The following STON2 variants were observed in gnomAD, a reference collection of about 807,000 sequenced individuals.
The protein encoded by STON2 is stonin 2.
In STON2, 29 loss-of-function variants were observed where a neutral mutation model predicts 65.7. That is an observed-to-expected ratio of 0.44 (90% confidence interval 0.33 to 0.60). STON2 has a LOEUF of 0.60. STON2 is among the 20% of genes least tolerant of loss of function. STON2 has a pLI of 0.03. For missense variants in STON2, 1,054 were observed against 1,118.1 expected (o/e 0.94, Z 0.82); for synonymous variants, 404 against 414.2 (o/e 0.98, Z 0.30).
At position 81,306,230 on chromosome 14, in the gene STON2, T is replaced by A. The variant is rs1285629370; in HGVS notation, c.742+17787A>T. Among the ~76,000 whole-genome samples, 7 of 107,784 alleles carry A rather than the reference T, an allele frequency of 6.5e-5. No homozygotes were observed. The South Asian group carries it at 9.7e-4, about 15-fold the overall frequency. The allele number at this position is 107,784 out of a possible 152,430, so 70.7% of individuals were successfully genotyped here. A position where few individuals can be genotyped will look rare whatever the true frequency, so the allele number is the denominator to read the frequency against. On this transcript the variant is annotated intron_variant, in intron 5 of 7. Transcript: ENST00000614646. Reference sequence around the variant, plus strand: ...ACACACATACATACTCTTTTTTTTTTTTTTTTTTTTTTTTTTTGAGATGGA... The same window carrying A: ...ACACACATACATACTCTTTTTTTTTATTTTTTTTTTTTTTTTTGAGATGGA...
chr14:81,297,952 G>A (rs1303066520), intron 5 of STON2, among the ~76,000 whole-genome samples: 1 of 152,180 alleles, frequency 6.6e-6, no homozygotes, highest in African/African-American at 2.4e-5. Flanking sequence ...CAGGAGAATC[G>A]CTTGAACCTG....
intron 5 of STON2, among the ~76,000 whole-genome samples, chr14:81,310,490 G>A (rs1473562848): frequency 6.6e-6 from 1 of 152,194 alleles, no homozygotes; most frequent in Admixed American, 6.5e-5. Flanking sequence ...CATGTGAGTG[G>A]CTGGCAGCAT....
intron 5 of STON2, among the ~76,000 whole-genome samples, chr14:81,293,497 A>G (rs1053281497): frequency 2.6e-5 from 4 of 152,146 alleles, no homozygotes; most frequent in Non-Finnish European, 5.9e-5. Context: ...AAAGGTGCCA[A>G]GGTTCCTGGC....
At chr14:81,358,885 C>T (rs1019650263) in intron 4 of STON2, among the ~76,000 whole-genome samples, 1 of 152,078 alleles carries the variant, frequency 6.6e-6, no homozygotes, top group Non-Finnish European at 1.5e-5. Flanking sequence ...CACCTAAATA[C>T]ATAAAACAAA....
chr14:81,324,262 CAGG>C (rs1052911397), intron 4 of STON2, among the ~76,000 whole-genome samples, 75 bp from the exon 5 acceptor site: 1 of 152,210 alleles, frequency 6.6e-6, no homozygotes, highest in African/African-American at 2.4e-5. Flanking sequence ...CAGACACACC[CAGG>C]AGGAGGGAGA....
Position 81,337,495 on chromosome 14 carries a change from G to A in STON2, c.572-13308C>T, listed in dbSNP as rs80086137. On this transcript the variant is annotated intron_variant, in intron 4 of 7. Coordinates refer to ENST00000614646, the MANE Select transcript of STON2 (RefSeq NM_001394390.1). ...ATGCAATGGAGAAAGACAAAGGAGA[G>A]TAAAGAGGTAGAGAAGAAAGAGGGC... Among the ~76,000 whole-genome samples, 1,028 of 152,272 alleles carry A rather than the reference G, an allele frequency of 6.8e-3. 5 individuals are homozygous for A. The highest frequency in any genetic ancestry group is 0.011 in the Admixed American group (162 of 15,290).
At chr14:81,339,153 C>A (rs570448703) in intron 4 of STON2, among the ~76,000 whole-genome samples, 1 of 152,114 alleles carries the variant, frequency 6.6e-6, no homozygotes, top group Non-Finnish European at 1.5e-5. Flanking sequence ...GGAAAGGAAA[C>A]CTTAATTTTT....
At chr14:81,416,105 A>G (rs1304294031) in intron 2 of STON2, among the ~76,000 whole-genome samples, 1 of 151,932 alleles carries the variant, frequency 6.6e-6, no homozygotes, top group Non-Finnish European at 1.5e-5. Flanking sequence ...CCCGTTGTTA[A>G]CTCTAGCCAT....
intron 3 of STON2, among the ~76,000 whole-genome samples, chr14:81,386,171 C>G (rs1054367742): frequency 6.6e-6 from 1 of 152,036 alleles, no homozygotes; most frequent in African/African-American, 2.4e-5. Context: ...GAGACGGACT[C>G]CACAAAGGTC....
chr14:81,287,276 C>A (rs1427487079), intron 5 of STON2, among the ~76,000 whole-genome samples: 1 of 152,140 alleles, frequency 6.6e-6, no homozygotes, highest in Non-Finnish European at 1.5e-5. Context: ...TTAGTCATTA[C>A]AAATGATACG....
intron 5 of STON2, among the ~76,000 whole-genome samples, chr14:81,296,563 A>C (rs1362975899): frequency 6.6e-6 from 1 of 152,176 alleles, no homozygotes; most frequent in East Asian, 1.9e-4. Context: ...GCAGACTGGC[A>C]TATGTCTCTT....
At position 81,266,625 on chromosome 14, in the gene STON2, T is replaced by C. The variant is rs1894366913; in HGVS notation, c.*1789A>G. The stretch of plus-strand genomic sequence containing the variant: ...TTGAACTCAACCCTCCATTTAGATA[T>C]GGACTAGATGGAGGGTTAATAAAAG... On this transcript the variant is annotated 3_prime_UTR_variant, in exon 8 of 8. Coordinates refer to ENST00000614646, the MANE Select transcript of STON2 (RefSeq NM_001394390.1). 1 of 941,706 alleles carries C rather than the reference T, an allele frequency of 1.1e-6. No individual in the cohort carries two copies. Among genetic ancestry groups the C allele is most frequent in the Non-Finnish European group, 1.3e-6 (1 of 790,258 alleles). The allele number at this position is 941,706 out of a possible 1,614,324, so 58.3% of individuals were successfully genotyped here.
chr14:81,289,011 G>C (rs1163374316), intron 5 of STON2, among the ~76,000 whole-genome samples: 1 of 152,114 alleles, frequency 6.6e-6, no homozygotes, highest in Non-Finnish European at 1.5e-5. Flanking sequence ...TGCCACAGAA[G>C]TCTCACTCAT....
intron 5 of STON2, among the ~76,000 whole-genome samples, chr14:81,299,251 T>C (rs901223699): frequency 6.6e-6 from 1 of 152,210 alleles, no homozygotes; most frequent in East Asian, 1.9e-4. Context: ...TATACAAACA[T>C]ATATGTGAGA....
At position 81,263,238 on chromosome 14, in the gene STON2, TA is replaced by T. The variant is rs1454469991; in HGVS notation, c.*5175del. 1 of 902,714 alleles carries T rather than the reference TA, an allele frequency of 1.1e-6. No individual in the cohort carries two copies. The highest frequency in any genetic ancestry group is 1.3e-6 in the Non-Finnish European group (1 of 754,756). 55.9% of individuals were successfully genotyped at this position (902,714 alleles called of 1,614,324 possible). On this transcript the variant is annotated 3_prime_UTR_variant, in exon 8 of 8. Coordinates refer to ENST00000614646, the MANE Select transcript of STON2 (RefSeq NM_001394390.1). ...CCCAAGACAAATTCGTAAACTTTCTTAAAACATTATGCTATTTTGGCCAGGC... is the reference window on the plus strand; with the variant it reads ...CCCAAGACAAATTCGTAAACTTTCTTAAACATTATGCTATTTTGGCCAGGC...
chr14:81,416,580 C>A (rs1272568390), intron 2 of STON2, among the ~76,000 whole-genome samples: 2 of 152,192 alleles, frequency 1.3e-5, no homozygotes, highest in African/African-American at 4.8e-5. Flanking sequence ...GTGTACCACA[C>A]AGTCTGTGCA....
intron 4 of STON2, among the ~76,000 whole-genome samples, chr14:81,360,350 C>A (rs1404308791): frequency 6.6e-6 from 1 of 151,998 alleles, no homozygotes; most frequent in East Asian, 1.9e-4. Context: ...TGGCATTTAT[C>A]CCTGGGATGC....
intron 3 of STON2, among the ~76,000 whole-genome samples, chr14:81,389,528 T>C (rs1032536780): frequency 2.0e-4 from 30 of 152,330 alleles, no homozygotes; most frequent in East Asian, 1.9e-4. Flanking sequence ...AAATGAGAAA[T>C]TGATGGGCAA....
intron 3 of STON2, among the ~76,000 whole-genome samples, chr14:81,378,099 G>A (rs1490384167): frequency 6.6e-6 from 1 of 152,082 alleles, no homozygotes; most frequent in Non-Finnish European, 1.5e-5. Flanking sequence ...GCCCACCTTG[G>A]CCTCCCAAAG....
Sources: gnomAD v4.1 joint callset for allele counts (sites outside exome capture counted in the v4.1 genomes callset) on GRCh38, gnomAD v4.1.1 for gene constraint, MANE v1.5 for transcripts, NCBI Gene and HGNC (gene_info 2026-07-23, HGNC 2026-07-21) for gene names.